The following HERC1 variants were observed in gnomAD, a reference collection of about 807,000 sequenced individuals.
HERC1 encodes HECT and RLD domain containing E3 ubiquitin protein ligase family member 1, also known as probable E3 ubiquitin-protein ligase HERC1.
A neutral mutation model predicts 554.3 loss-of-function variants in HERC1; 160 were observed. The ratio of observed to expected loss-of-function variants is 0.29; its 90% CI spans 0.25 to 0.33. The LOEUF (loss-of-function observed/expected upper bound fraction) is 0.33, where lower values mean the gene tolerates loss of function less well. Ranked by LOEUF, HERC1 falls within the 10% of genes least tolerant of loss-of-function variation. The probability of loss-of-function intolerance (pLI) is 1.00; values close to 1 mark genes in which losing one functional copy is unlikely to be tolerated. For missense variants in HERC1, 4,919 were observed against 5,918.5 expected (o/e 0.83, Z 5.54); for synonymous variants, 2,175 against 2,131.7 (o/e 1.02, Z -0.56).
chr15:63,657,592 T>C (rs1222794452), intron 48 of HERC1, among the ~76,000 whole-genome samples: 1 of 152,170 alleles, frequency 6.6e-6, no homozygotes, highest in Non-Finnish European at 1.5e-5. Flanking sequence ...ACTTTCTTAC[T>C]TTTCAAATCA....
rs1370939120 is a variant in HERC1, at chr15:63,677,765, A to G, written c.7070+80T>C. 2 of 1,524,462 alleles carry G rather than the reference A, an allele frequency of 1.3e-6. No individual in the cohort carries two copies. Among genetic ancestry groups the G allele is most frequent in the Admixed American group, 4.2e-5 (2 of 47,788 alleles). The allele number at this position is 1,524,462 out of a possible 1,614,324, so 94.4% of individuals were successfully genotyped here. Reference sequence around the variant, plus strand: ...AACTGGCAGCTCACCTAAAATACATAATTACTCACTGTCGACAGGCAATGG... The same window carrying G: ...AACTGGCAGCTCACCTAAAATACATGATTACTCACTGTCGACAGGCAATGG... On this transcript the variant is annotated intron_variant, in intron 37 of 77. Coordinates refer to ENST00000443617, the MANE Select transcript of HERC1 (RefSeq NM_003922.4). This position sits in a 1 kb window ranked among gnomAD's most constrained non-coding sequence, Gnocchi z 4.4.
intron 33 of HERC1, among the ~76,000 whole-genome samples, chr15:63,688,404 T>C (rs2071906062): frequency 1.3e-5 from 2 of 152,106 alleles, no homozygotes; most frequent in African/African-American, 4.8e-5. Context: ...TATTAGACAT[T>C]TAAGTGATAA....
chr15:63,655,052 T>C (rs923298348), intron 50 of HERC1, among the ~76,000 whole-genome samples: 4 of 151,942 alleles, frequency 2.6e-5, no homozygotes, highest in African/African-American at 9.7e-5. Flanking sequence ...ACTGGGCTGA[T>C]AGATCCAAAA....
chr15:63,660,889 G>A (rs568308558), intron 46 of HERC1, 84 bp downstream of exon 46: 7 of 848,206 alleles, frequency 8.3e-6, no homozygotes, highest in African/African-American at 1.7e-5. Context: ...ACACACACAC[G>A]AAGGTGAATT....
rs1157873904 is a variant in HERC1 at position 63,706,821 on chromosome 15, C to A, written c.4595G>T (p.Arg1532Leu). 2 of 1,538,200 alleles carry A rather than the reference C, an allele frequency of 1.3e-6. No individual in the cohort carries two copies. Among genetic ancestry groups the A allele is most frequent in the East Asian group, 2.4e-5 (1 of 40,976 alleles). Residue 1532 changes from arginine (R) to leucine (L), a missense_variant, in exon 25 of 78, where the codon CGA becomes CTA. By Grantham distance (102) the Arg-to-Leu change is moderately radical. Transcript: ENST00000443617. ...TGCTGCCAAATCCAAATCAACATTT[C>A]GTCTGCCACTCTATTAAAAGTAAAA... ...DEEGYALSGR[R>L]NVDLDLAASH...
At chr15:63,695,877 T>C (rs191463634) in intron 27 of HERC1, among the ~76,000 whole-genome samples, 1 of 152,248 alleles carries the variant, frequency 6.6e-6, no homozygotes, top group Admixed American at 6.5e-5. Context: ...TCTATTCCCA[T>C]CCAAACTGGA....
Position 63,640,336 on chromosome 15 carries a change from G to A in HERC1, c.11717C>T (p.Pro3906Leu). 6.2e-7 allele frequency: 1 copy of A among 1,613,864 alleles called. No individual in the cohort carries two copies. The highest frequency in any genetic ancestry group is 8.5e-7 in the Non-Finnish European group (1 of 1,179,794). The change falls in exon 61 of 78, where the codon CCA becomes CTA. Residue 3906 changes from proline (P) to leucine (L), a missense_variant. Around this residue, in one of 11 missense-constraint regions of HERC1, gnomAD observed 1,963 missense variants for 2,228.6 expected, o/e 0.88. Transcript: ENST00000443617. Reference protein sequence around the residue: ...LDQLLCNPPVPPHHQNCLPDP... With the variant: ...LDQLLCNPPVLPHHQNCLPDP... Reference sequence around the variant, plus strand: ...AGGGAGACAGTTCTGGTGGTGTGGTGGCACTGGAGGGTTACACAACAGCTG... The same window carrying A: ...AGGGAGACAGTTCTGGTGGTGTGGTAGCACTGGAGGGTTACACAACAGCTG...
intron 11 of HERC1, 83 bp from the exon 12 acceptor site, chr15:63,747,166 A>T: frequency 7.3e-7 from 1 of 1,368,824 alleles, no homozygotes; most frequent in Non-Finnish European, 1.0e-6. Flanking sequence ...TTATATCTTT[A>T]AAAATTTTGT....
chr15:63,811,342 T>C (rs1226536474), intron 1 of HERC1, among the ~76,000 whole-genome samples: 1 of 152,182 alleles, frequency 6.6e-6, no homozygotes. Flanking sequence ...GCAAAATGTA[T>C]GCATGTTTAG....
At chr15:63,809,563 C>A (rs947717727) in intron 1 of HERC1, among the ~76,000 whole-genome samples, 1 of 152,126 alleles carries the variant, frequency 6.6e-6, no homozygotes, top group Non-Finnish European at 1.5e-5. Context: ...CAGGACACAA[C>A]AGACCAATCC....
intron 76 of HERC1, among the ~76,000 whole-genome samples, chr15:63,615,381 G>A (rs2067771529): frequency 6.6e-6 from 1 of 152,214 alleles, no homozygotes; most frequent in African/African-American, 2.4e-5. Context: ...AGCTGAGGCA[G>A]GTGGATCACT....
intron 21 of HERC1, among the ~76,000 whole-genome samples, chr15:63,717,187 T>C (rs1308055712): frequency 6.6e-6 from 1 of 152,224 alleles, no homozygotes; most frequent in African/African-American, 2.4e-5. Context: ...GAGATGGGGA[T>C]ACAGAGTAGT....
Position 63,660,047 on chromosome 15 carries a change from G to A in HERC1, c.9224-111C>T, listed in dbSNP as rs574804860. On this transcript the variant is annotated intron_variant, in intron 46 of 77. Transcript: ENST00000443617. ...AAAATGCAGATGAGCAGCCAGATGCGATGGCTCACGCCTGTAATCCCAACA... is the reference window on the plus strand; with the variant it reads ...AAAATGCAGATGAGCAGCCAGATGCAATGGCTCACGCCTGTAATCCCAACA... The A allele has an allele frequency of 2.0e-5, 17 of 859,230 alleles. No homozygotes were observed. The East Asian group carries it at 2.6e-4, about 13-fold the overall frequency. 53.2% of individuals were successfully genotyped at this position (859,230 alleles called of 1,614,324 possible). A position where few individuals can be genotyped will look rare whatever the true frequency, so the allele number is the denominator to read the frequency against.
chr15:63,619,567 A>C (rs1359758503), intron 74 of HERC1, among the ~76,000 whole-genome samples: 1 of 152,172 alleles, frequency 6.6e-6, no homozygotes, highest in Non-Finnish European at 1.5e-5. Context: ...TTTCAGAAGG[A>C]ATGGTACCAG....
chr15:63,612,925 T>G lies in HERC1; in HGVS notation c.14095-369A>C, dbSNP rs1409075538. Among the ~76,000 whole-genome samples, 1 of 152,224 alleles carries G rather than the reference T, an allele frequency of 6.6e-6. No individual in the cohort carries two copies. The highest frequency in any genetic ancestry group is 6.5e-5 in the Admixed American group (1 of 15,286). ...TGTCAAACTATGCATGTGTGGACAC[T>G]TCATCTCATAAAGGTAAGAAGCTTT... On this transcript the variant is annotated intron_variant, in intron 76 of 77. Coordinates refer to ENST00000443617, the MANE Select transcript of HERC1 (RefSeq NM_003922.4). This position sits in a 1 kb window ranked among gnomAD's most constrained non-coding sequence, Gnocchi z 5.0.
chr15:63,707,395 TACAG>T (rs1402545947), intron 24 of HERC1, among the ~76,000 whole-genome samples: 1 of 152,216 alleles, frequency 6.6e-6, no homozygotes, highest in East Asian at 1.9e-4. Context: ...ACTGGTGAAC[TACAG>T]ACAGTTTAAT....
At chr15:63,716,016 A>C (rs2073536979) in intron 22 of HERC1, among the ~76,000 whole-genome samples, 1 of 152,184 alleles carries the variant, frequency 6.6e-6, no homozygotes. Flanking sequence ...GAATGGCCCT[A>C]TCTGATGACT....
intron 19 of HERC1, among the ~76,000 whole-genome samples, chr15:63,720,958 G>T (rs1326183537): frequency 1.3e-5 from 2 of 151,788 alleles, no homozygotes; most frequent in African/African-American, 4.8e-5. Context: ...CACTATTCAG[G>T]AATAAAGTCT....
At chr15:63,708,976 A>G (rs1003111085) in intron 24 of HERC1, among the ~76,000 whole-genome samples, 1 of 152,076 alleles carries the variant, frequency 6.6e-6, no homozygotes, top group Non-Finnish European at 1.5e-5. Flanking sequence ...ATAAGGAAAG[A>G]TGATCAAAAG....
Sources: allele counts gnomAD v4.1 joint callset (sites outside exome capture counted in the v4.1 genomes callset), GRCh38; gene constraint gnomAD v4.1.1; regional missense constraint gnomAD v4.1.1; non-coding constraint Gnocchi (gnomAD v3.1); transcripts MANE v1.5; gene names NCBI Gene and HGNC (gene_info 2026-07-23, HGNC 2026-07-21).